The following TET2 variants were observed in gnomAD, a reference collection of about 807,000 sequenced individuals.
The protein encoded by TET2 is methylcytosine dioxygenase TET2.
TET2 carries 299 observed loss-of-function variants against 142.9 expected under a neutral mutation model. The ratio of observed to expected loss-of-function variants is 2.09; its 90% CI spans 1.90 to 2.30. The LOEUF is 2.30. Ranked by LOEUF, TET2 falls within the 30% of genes most tolerant of loss-of-function variation. TET2 has a pLI of 0.00. For missense variants in TET2, 2,418 were observed against 2,378.0 expected (o/e 1.02, Z -0.35); for synonymous variants, 819 against 849.0 (o/e 0.96, Z 0.61).
At chr4:105,212,084 G>T (rs1323300162) in intron 2 of TET2, among the ~76,000 whole-genome samples, 1 of 152,210 alleles carries the variant, frequency 6.6e-6, no homozygotes, top group East Asian at 1.9e-4. Flanking sequence ...TCCTTTGGTA[G>T]CTTCAAGGGA....
At chr4:105,156,649 A>G (rs755451994) in intron 1 of TET2, among the ~76,000 whole-genome samples, 12 of 152,214 alleles carry the variant, frequency 7.9e-5, no homozygotes, top group Admixed American at 2.0e-4. Context: ...GATGCATAAA[A>G]AAAAGTAAAA....
chr4:105,261,904 C>G, intron 8 of TET2, 56 bp downstream of exon 8: 1 of 1,001,730 alleles, frequency 1.0e-6, no homozygotes, highest in Non-Finnish European at 1.5e-6. Context: ...TACTAATGAC[C>G]TATGTCCAAA....
At chr4:105,240,471 A>G (rs1454363410) in intron 3 of TET2, 1 of 1,076,940 alleles carries the variant, frequency 9.3e-7, no homozygotes, top group Non-Finnish European at 1.1e-6. Flanking sequence ...AGTCAAAGAC[A>G]TTTGAAAAGA....
Position 105,237,418 on chromosome 4 carries a change from T to C in TET2, c.3409+67T>C, listed in dbSNP as rs1235237969. 3.1e-6 allele frequency: 5 copies of C among 1,613,844 alleles called. No homozygotes were observed. In the African/African-American group the frequency reaches 4.0e-5, roughly 13 times the overall value. On this transcript the variant is annotated intron_variant, in intron 3 of 10. Coordinates refer to ENST00000380013, the MANE Select transcript of TET2 (RefSeq NM_001127208.3). Reference sequence around the variant, plus strand: ...GAATTAGCAAATTTATCTTCAGATATGGGATTTTCCTTCTTTTTTTAAATC... The same window carrying C: ...GAATTAGCAAATTTATCTTCAGATACGGGATTTTCCTTCTTTTTTTAAATC...
At chr4:105,152,333 T>C (rs1723344719) in intron 1 of TET2, among the ~76,000 whole-genome samples, 1 of 152,158 alleles carries the variant, frequency 6.6e-6, no homozygotes, top group Non-Finnish European at 1.5e-5. Flanking sequence ...TGGGATAAAG[T>C]GTTTTTGAAG....
Position 105,279,173 on chromosome 4 carries a change from AT to A in TET2, c.*2657del. The A allele has an allele frequency of 4.3e-6, 1 of 232,490 alleles. No homozygotes were observed. The highest frequency in any genetic ancestry group is 8.5e-6 in the Non-Finnish European group (1 of 117,634). 14.4% of individuals were successfully genotyped at this position (232,490 alleles called of 1,614,324 possible). A position where few individuals can be genotyped will look rare whatever the true frequency, so the allele number is the denominator to read the frequency against. On this transcript the variant is annotated 3_prime_UTR_variant, in exon 11 of 11. Coordinates refer to ENST00000380013, the MANE Select transcript of TET2 (RefSeq NM_001127208.3). The stretch of plus-strand genomic sequence containing the variant: ...TATACCATAATATCTAGCCCCAAAC[AT>A]TTGATTACTACATGTGCATTGGTGA...
chr4:105,266,908 A>G (rs1391379178), intron 8 of TET2, among the ~76,000 whole-genome samples: 1 of 152,032 alleles, frequency 6.6e-6, no homozygotes, highest in African/African-American at 2.4e-5. Context: ...CCCAGATTAA[A>G]AAACAAAGAC....
chr4:105,254,445 C>G (rs372982642), intron 6 of TET2, among the ~76,000 whole-genome samples: 54 of 152,272 alleles, frequency 3.5e-4, no homozygotes, highest in African/African-American at 1.1e-3. Flanking sequence ...GGGTCTCACT[C>G]TGGTTGCCCA....
rs1187792969 is a variant in TET2, at chr4:105,190,393, AT to A, written c.-157del. 1.3e-5 allele frequency: 9 copies of A among 689,802 alleles called. No homozygotes were observed. Among genetic ancestry groups the A allele is most frequent in the African/African-American group, 1.2e-4 (7 of 56,606 alleles). The allele number at this position is 689,802 out of a possible 1,614,324, so 42.7% of individuals were successfully genotyped here. Reference sequence around the variant, plus strand: ...ACATTCAGCAGCACACCCTCTCAAGATTGTTTACTTGCCTTTGCTCCTGTTG... The same window carrying A: ...ACATTCAGCAGCACACCCTCTCAAGATGTTTACTTGCCTTTGCTCCTGTTG... On this transcript the variant is annotated 5_prime_UTR_variant, in exon 2 of 11. In the 5' UTR this introduces an upstream ATG that the reference lacks. Transcript: ENST00000380013.
rs78821900 is a variant in TET2 at position 105,231,886 on chromosome 4, G to A, written c.-46-2011G>A. On this transcript the variant is annotated intron_variant, in intron 2 of 10. Coordinates refer to ENST00000380013, the MANE Select transcript of TET2 (RefSeq NM_001127208.3). ...GTTAGTACTACTCTCAAAAATGTTC[G>A]AATGAATGCAATCAGATTCAAGGGT... Among the ~76,000 whole-genome samples the A allele has an allele frequency of 1.4e-3, 208 of 152,212 alleles. 3 individuals carry two copies. The highest frequency in any genetic ancestry group is 2.4e-3 in the Non-Finnish European group (162 of 68,012).
chr4:105,203,544 A>G (rs1242310747), intron 2 of TET2, among the ~76,000 whole-genome samples: 10 of 151,336 alleles, frequency 6.6e-5, no homozygotes, highest in Admixed American at 6.6e-4. Flanking sequence ...TATACAATAC[A>G]TTACATTTTG....
intron 6 of TET2, among the ~76,000 whole-genome samples, chr4:105,254,471 G>A (rs1730023871): frequency 6.6e-6 from 1 of 152,178 alleles, no homozygotes; most frequent in Non-Finnish European, 1.5e-5. Flanking sequence ...GAGTGCAGTA[G>A]TATGATCTCA....
chr4:105,159,358 CG>C (rs1723728220), intron 1 of TET2, among the ~76,000 whole-genome samples: 1 of 150,898 alleles, frequency 6.6e-6, no homozygotes, highest in Non-Finnish European at 1.5e-5. Flanking sequence ...CCGGTTCAAG[CG>C]ATTCTCCAGC....
At chr4:105,157,929 T>C (rs977709132) in intron 1 of TET2, among the ~76,000 whole-genome samples, 18 of 152,276 alleles carry the variant, frequency 1.2e-4, no homozygotes, top group African/African-American at 3.4e-4. Context: ...CACCCCCTTC[T>C]GCTTCCTAAA....
chr4:105,161,897 C>T (rs933700994), intron 1 of TET2, among the ~76,000 whole-genome samples: 7 of 151,980 alleles, frequency 4.6e-5, no homozygotes, highest in African/African-American at 1.7e-4. Flanking sequence ...TTAGGCTGTT[C>T]GTCTTTTTTC....
chr4:105,250,912 C>T (rs1468904904), intron 6 of TET2, among the ~76,000 whole-genome samples: 3 of 151,772 alleles, frequency 2.0e-5, no homozygotes, highest in Admixed American at 2.0e-4. Flanking sequence ...AAACACCTGG[C>T]CTCAAGTGAC....
intron 6 of TET2, among the ~76,000 whole-genome samples, chr4:105,247,359 CAA>C (rs1729629447): frequency 6.6e-6 from 1 of 150,870 alleles, no homozygotes; most frequent in African/African-American, 2.5e-5. Context: ...CACACATAAA[CAA>C]AAATGATAAT....
At chr4:105,241,477 T>C (rs1477723275) in intron 4 of TET2, 48 bp downstream of exon 4, 1 of 1,513,890 alleles carries the variant, frequency 6.6e-7, no homozygotes, top group Non-Finnish European at 8.8e-7. Context: ...TCCTTTTGTA[T>C]ATGTCAGAAT....
intron 2 of TET2, among the ~76,000 whole-genome samples, chr4:105,206,461 C>T (rs1020951498): frequency 6.6e-6 from 1 of 152,170 alleles, no homozygotes. Flanking sequence ...ATGGTACAAA[C>T]GTGGAGGGCT....
Sources: allele counts gnomAD v4.1 joint callset (sites outside exome capture counted in the v4.1 genomes callset), GRCh38; gene constraint gnomAD v4.1.1; transcripts MANE v1.5; gene names NCBI Gene and HGNC (gene_info 2026-07-23, HGNC 2026-07-21).